The following ATP8A1 variants were observed in gnomAD, a reference collection of about 807,000 sequenced individuals.
ATP8A1 encodes ATPase phospholipid transporting 8A1, also known as phospholipid-transporting ATPase IA.
In ATP8A1, 90 loss-of-function variants were observed where a neutral mutation model predicts 177.7. That is an observed-to-expected ratio of 0.51 (90% CI 0.43 to 0.60). The LOEUF (loss-of-function observed/expected upper bound fraction) is 0.60, where lower values mean the gene tolerates loss of function less well. Ranked by LOEUF, ATP8A1 falls within the 20% of genes least tolerant of loss-of-function variation. The pLI is 0.00. For missense variants in ATP8A1, 1,072 were observed against 1,392.8 expected, an observed-to-expected ratio of 0.77 and a Z score of 3.67; for synonymous variants, 493 against 485.9, an observed-to-expected ratio of 1.01 and a Z score of -0.19.
At chr4:42,549,790 C>T (rs558745436) in intron 18 of ATP8A1, among the ~76,000 whole-genome samples, 1 of 151,866 alleles carries the variant, frequency 6.6e-6, no homozygotes, top group African/African-American at 2.4e-5. Context: ...CAGAGCAAGA[C>T]CCCATCTCTA....
chr4:42,585,866 G>A (rs1164108895), intron 9 of ATP8A1, among the ~76,000 whole-genome samples: 1 of 152,024 alleles, frequency 6.6e-6, no homozygotes, highest in Non-Finnish European at 1.5e-5. Context: ...AATACCACAG[G>A]CTAGAAAGAA....
At chr4:42,560,315 G>C (rs1030262817) in intron 15 of ATP8A1, among the ~76,000 whole-genome samples, 1 of 151,904 alleles carries the variant, frequency 6.6e-6, no homozygotes, top group African/African-American at 2.4e-5. Flanking sequence ...AGACAGGGAG[G>C]GGATCAAAAC....
At chr4:42,420,151 A>T (rs1196046833) in intron 35 of ATP8A1, among the ~76,000 whole-genome samples, 2 of 152,234 alleles carry the variant, frequency 1.3e-5, no homozygotes, top group Admixed American at 6.5e-5. Context: ...TTTAAGCATG[A>T]AGATGTTTCC....
intron 24 of ATP8A1, among the ~76,000 whole-genome samples, chr4:42,495,304 T>A (rs1380950258): frequency 2.0e-5 from 3 of 152,256 alleles, no homozygotes; most frequent in African/African-American, 4.8e-5. Flanking sequence ...AAGAGTGAGT[T>A]ATGGCTCCCA....
chr4:42,473,106 T>C (rs1444717861), intron 25 of ATP8A1, among the ~76,000 whole-genome samples: 1 of 152,202 alleles, frequency 6.6e-6, no homozygotes, highest in African/African-American at 2.4e-5. Flanking sequence ...AAGTTGGAAT[T>C]GGACTTGGAA....
rs577426646 is a variant in ATP8A1, at chr4:42,614,169, A to AT, written c.409+1863dup. Reference sequence around the variant, plus strand: ...ATTTTATCTGAATGGTAGGCAAGGAATTTTTTTTTTGGAGGTAAGTACGTA... The same window carrying AT: ...ATTTTATCTGAATGGTAGGCAAGGAATTTTTTTTTTTGGAGGTAAGTACGTA... On this transcript the variant is annotated intron_variant, in intron 5 of 36. Transcript: ENST00000381668. 2.7e-3 allele frequency among the ~76,000 whole-genome samples: 412 copies of AT among 150,390 alleles called. 2 individuals are homozygous for AT. Among genetic ancestry groups the AT allele is most frequent in the East Asian group, 0.018 (94 of 5,136 alleles).
intron 33 of ATP8A1, among the ~76,000 whole-genome samples, chr4:42,435,925 CATTT>C (rs1715941668): frequency 6.6e-6 from 1 of 152,114 alleles, no homozygotes; most frequent in Admixed American, 6.6e-5. Context: ...ACTTATTCTT[CATTT>C]AGTCATTTGT....
intron 10 of ATP8A1, among the ~76,000 whole-genome samples, chr4:42,581,412 C>T (rs1290717148): frequency 6.6e-6 from 1 of 152,144 alleles, no homozygotes; most frequent in Non-Finnish European, 1.5e-5. Flanking sequence ...GGATTACAGG[C>T]GTGAGCCACC....
At chr4:42,656,368 C>A (rs542525181) in intron 1 of ATP8A1, among the ~76,000 whole-genome samples, 80 of 152,332 alleles carry the variant, frequency 5.3e-4, no homozygotes, top group African/African-American at 1.9e-3. Context: ...AGGCTCCCCG[C>A]GCTTCGAGAG....
chr4:42,555,143 T>TATCTA (rs1730021065), intron 16 of ATP8A1, among the ~76,000 whole-genome samples: 47 of 64,708 alleles, frequency 7.3e-4, no homozygotes, highest in Admixed American at 1.8e-3. Flanking sequence ...CTATCTAATC[T>TATCTA]ATCTATCTAT....
chr4:42,522,398 T>C, intron 21 of ATP8A1, 99 bp from the exon 22 acceptor site: 2 of 1,377,702 alleles, frequency 1.5e-6, no homozygotes, highest in East Asian at 2.3e-5. Context: ...TTGAAAAAAG[T>C]GATTCCATAC....
At chr4:42,576,267 C>T (rs1436866815) in intron 12 of ATP8A1, among the ~76,000 whole-genome samples, 2 of 151,766 alleles carry the variant, frequency 1.3e-5, no homozygotes, top group Admixed American at 6.6e-5. Flanking sequence ...GTCAGGAAAT[C>T]GAGACCATCC....
At chr4:42,461,924 T>C (rs1015149809) in intron 27 of ATP8A1, among the ~76,000 whole-genome samples, 4 of 152,188 alleles carry the variant, frequency 2.6e-5, no homozygotes, top group Non-Finnish European at 5.9e-5. Flanking sequence ...CAAAGGCGAC[T>C]CTTGGTATGT....
rs766762534 is a variant in ATP8A1 at position 42,656,781 on chromosome 4, G to C, written c.49+44C>G. The stretch of plus-strand genomic sequence containing the variant: ...AACACACACGCTCACACACACACTC[G>C]CTTCCCGACCCCGGGCTAGCCCCGA... On this transcript the variant is annotated intron_variant, in intron 1 of 36. Transcript: ENST00000381668. 4 of 1,512,098 alleles carry C rather than the reference G, an allele frequency of 2.6e-6. No individual in the cohort carries two copies. In the Admixed American group the frequency reaches 6.1e-5, roughly 23 times the overall value. 93.7% of individuals were successfully genotyped at this position (1,512,098 alleles called of 1,614,324 possible).
chr4:42,431,769 C>T (rs1476621406), intron 33 of ATP8A1, among the ~76,000 whole-genome samples: 2 of 152,194 alleles, frequency 1.3e-5, no homozygotes, highest in Admixed American at 1.3e-4. Context: ...ATATACACCT[C>T]TCACATTTCT....
intron 5 of ATP8A1, among the ~76,000 whole-genome samples, chr4:42,610,159 ATTT>A (rs375207042): frequency 5.6e-4 from 80 of 142,474 alleles, no homozygotes; most frequent in South Asian, 1.8e-3. Flanking sequence ...TTGGCCCTTA[ATTT>A]TTTTTTTTTT....
At chr4:42,642,863 A>AC (rs1280456970) in intron 1 of ATP8A1, among the ~76,000 whole-genome samples, 1 of 151,892 alleles carries the variant, frequency 6.6e-6, no homozygotes, top group Non-Finnish European at 1.5e-5. Flanking sequence ...ATATAAGAAA[A>AC]CTCCACGAAG....
intron 18 of ATP8A1, 104 bp downstream of exon 18, chr4:42,551,094 G>A: frequency 1.1e-6 from 1 of 890,030 alleles, no homozygotes; most frequent in Non-Finnish European, 1.8e-6. Context: ...CTTCTGGAGT[G>A]GGGAACCTCT....
chr4:42,651,480 C>T (rs1577789597), intron 1 of ATP8A1, among the ~76,000 whole-genome samples: 2 of 152,200 alleles, frequency 1.3e-5, no homozygotes, highest in South Asian at 2.1e-4. Flanking sequence ...TGAGTAGTCT[C>T]GGGTATGTCT....
Sources: gnomAD v4.1 joint callset for allele counts (sites outside exome capture counted in the v4.1 genomes callset) on GRCh38, gnomAD v4.1.1 for gene constraint, MANE v1.5 for transcripts, NCBI Gene and HGNC (gene_info 2026-07-23, HGNC 2026-07-21) for gene names.